Variants in NUBPL observed in about 807,000 individuals in gnomAD.
NUBPL encodes the protein NUBP iron-sulfur cluster assembly factor, mitochondrial.
In NUBPL, 31 loss-of-function variants were observed where a neutral mutation model predicts 45.7. The observed-to-expected ratio is 0.68, with a 90% CI of 0.51 to 0.92. The LOEUF is 0.92. Among genes scored for constraint, NUBPL ranks in the 40% least tolerant of loss-of-function variants. The pLI, the probability that NUBPL is intolerant of heterozygous loss-of-function variation, is 0.00. For missense variants in NUBPL, 401 were observed against 398.7 expected (o/e 1.01, Z -0.05); for synonymous variants, 144 against 140.9 (o/e 1.02, Z -0.15).
intron 7 of NUBPL, among the ~76,000 whole-genome samples, chr14:31,810,635 G>T (rs1004880937): frequency 1.9e-4 from 29 of 152,092 alleles, no homozygotes; most frequent in African/African-American, 6.5e-4. Flanking sequence ...TTAACATTGT[G>T]ATGTGTGAAT....
rs184046787 is a variant in NUBPL at position 31,694,069 on chromosome 14, G to A, written c.513+20495G>A. Among the ~76,000 whole-genome samples, 15 of 151,918 alleles carry A rather than the reference G, an allele frequency of 9.9e-5. 1 individual carries two copies. Among genetic ancestry groups the A allele is most frequent in the East Asian group, 3.9e-4 (2 of 5,152 alleles). On this transcript the variant is annotated intron_variant, in intron 6 of 10. Transcript: ENST00000281081. ...ACAGGGTTTCACCGTGTTAGCCAGG[G>A]TGGTCTTGATCTCCTGACCTCGTGA... is the stretch of plus-strand genomic sequence containing the variant.
chr14:31,743,345 G>C (rs1391071457), intron 6 of NUBPL, among the ~76,000 whole-genome samples: 1 of 151,902 alleles, frequency 6.6e-6, no homozygotes, highest in African/African-American at 2.4e-5. Flanking sequence ...ACAAATTTAT[G>C]GTATTCATTC....
intron 6 of NUBPL, among the ~76,000 whole-genome samples, chr14:31,737,774 A>G (rs1707808558): frequency 1.3e-5 from 2 of 152,174 alleles, no homozygotes; most frequent in South Asian, 2.1e-4. Flanking sequence ...ACAGAGCAAG[A>G]CTCTGTCTCA....
At chr14:31,670,277 T>G (rs1347257632) in intron 4 of NUBPL, among the ~76,000 whole-genome samples, 1 of 152,264 alleles carries the variant, frequency 6.6e-6, no homozygotes, top group Non-Finnish European at 1.5e-5. Flanking sequence ...CATGTATGTC[T>G]TCTTTTGAGA....
chr14:31,666,329 A>G (rs1010254589), intron 4 of NUBPL, among the ~76,000 whole-genome samples: 1 of 148,550 alleles, frequency 6.7e-6, no homozygotes, highest in East Asian at 2.0e-4. Flanking sequence ...CAGTGGTGCA[A>G]TCTCAGCTCA....
intron 6 of NUBPL, among the ~76,000 whole-genome samples, chr14:31,764,247 G>A (rs1254168487): frequency 6.6e-6 from 1 of 152,104 alleles, no homozygotes; most frequent in Non-Finnish European, 1.5e-5. Flanking sequence ...TTTTATTTGG[G>A]TAGGATATAA....
intron 10 of NUBPL, 35 bp from the exon 11 acceptor site, chr14:31,859,083 A>G (rs375539789): frequency 2.7e-4 from 430 of 1,592,746 alleles, no homozygotes; most frequent in Non-Finnish European, 3.3e-4. Context: ...TCTGCTGAAG[A>G]GAAATACAGA....
At chr14:31,597,533 A>T (rs529228077) in intron 3 of NUBPL, among the ~76,000 whole-genome samples, 2 of 152,326 alleles carry the variant, frequency 1.3e-5, no homozygotes, top group South Asian at 4.1e-4. Flanking sequence ...ATCTTATATT[A>T]GTTAGAACAC....
chr14:31,743,585 G>C (rs1445974936), intron 6 of NUBPL, among the ~76,000 whole-genome samples: 2 of 152,030 alleles, frequency 1.3e-5, no homozygotes, highest in African/African-American at 2.4e-5. Flanking sequence ...TCGCCGTGTT[G>C]GCCAGGCTGG....
intron 3 of NUBPL, among the ~76,000 whole-genome samples, chr14:31,573,556 G>GT (rs1228624903): frequency 6.6e-6 from 1 of 152,056 alleles, no homozygotes; most frequent in Admixed American, 6.6e-5. Flanking sequence ...ACCTATCTAT[G>GT]TTTTTTTGGT....
At chr14:31,620,211 C>A (rs1353180973) in intron 4 of NUBPL, among the ~76,000 whole-genome samples, 9 of 151,962 alleles carry the variant, frequency 5.9e-5, no homozygotes, top group Non-Finnish European at 1.5e-5. Flanking sequence ...TAGCTTCCTG[C>A]CATTGGGTTA....
intron 8 of NUBPL, among the ~76,000 whole-genome samples, chr14:31,839,599 G>A (rs1025520612): frequency 1.4e-4 from 22 of 152,100 alleles, no homozygotes; most frequent in African/African-American, 5.3e-4. Context: ...TAGACAAATA[G>A]GATTACATCA....
In NUBPL at chr14:31,747,440, C is replaced by T. The variant is rs377592421; in HGVS notation, c.514-40340C>T. 3.5e-4 allele frequency among the ~76,000 whole-genome samples: 54 copies of T among 152,248 alleles called. 1 individual carries two copies. The South Asian group carries it at 0.011, about 32-fold the overall frequency. ...GTGTGAGCCACCGCATCCGGCCTGT[C>T]CTGGGCTTTTCTTTGATGCGAGACT... On this transcript the variant is annotated intron_variant, in intron 6 of 10. Coordinates refer to ENST00000281081, the MANE Select transcript of NUBPL (RefSeq NM_025152.3).
chr14:31,841,917 C>CTTTTGTTTTTTTTTTTGTTTTTTTTTTT, intron 8 of NUBPL, among the ~76,000 whole-genome samples: 1 of 43,034 alleles, frequency 2.3e-5, no homozygotes, highest in Admixed American at 3.2e-4. Context: ...CGATTCTGGG[C>CTTTTGTTTTTTTTTTTGTTTTTTTTTTT]TTTTTTTTTT....
intron 4 of NUBPL, among the ~76,000 whole-genome samples, chr14:31,648,397 C>T (rs1040810457): frequency 5.3e-5 from 8 of 152,190 alleles, no homozygotes; most frequent in East Asian, 1.9e-4. Context: ...CGCCTAGGTC[C>T]TGTGTCTTGA....
At chr14:31,788,276 G>C (rs1173427029) in intron 7 of NUBPL, among the ~76,000 whole-genome samples, 1 of 152,224 alleles carries the variant, frequency 6.6e-6, no homozygotes, top group African/African-American at 2.4e-5. Flanking sequence ...TGCTCTGAAA[G>C]AGGAGGCAGA....
intron 4 of NUBPL, among the ~76,000 whole-genome samples, chr14:31,612,476 C>G (rs2034785686): frequency 6.6e-6 from 1 of 152,160 alleles, no homozygotes; most frequent in Non-Finnish European, 1.5e-5. Flanking sequence ...ATCTGGCCAA[C>G]ATGGTGAAAC....
At chr14:31,562,465 A>T (rs1328947142) in intron 2 of NUBPL, among the ~76,000 whole-genome samples, 2 of 152,154 alleles carry the variant, frequency 1.3e-5, no homozygotes, top group Non-Finnish European at 2.9e-5. Context: ...TCTTCAGTTC[A>T]CTTAACTGTA....
chr14:31,639,459 T>C (rs1258517838), intron 4 of NUBPL, among the ~76,000 whole-genome samples: 1 of 151,992 alleles, frequency 6.6e-6, no homozygotes, highest in Non-Finnish European at 1.5e-5. Flanking sequence ...GTCAGAGGAG[T>C]ACCCGGCTGT....
Sources: gnomAD v4.1 joint callset for allele counts (sites outside exome capture counted in the v4.1 genomes callset) on GRCh38, gnomAD v4.1.1 for gene constraint, MANE v1.5 for transcripts, NCBI Gene and HGNC (gene_info 2026-07-23, HGNC 2026-07-21) for gene names.